Variants in PCCA observed in about 807,000 individuals in gnomAD.
PCCA encodes propionyl-CoA carboxylase subunit alpha.
A neutral mutation model predicts 101.3 loss-of-function variants in PCCA; 74 were observed. The observed-to-expected ratio is 0.73, with a 90% confidence interval of 0.61 to 0.89. PCCA has a LOEUF of 0.89. Ranked by LOEUF, PCCA falls within the 40% of genes least tolerant of loss-of-function variation. The probability of loss-of-function intolerance (pLI) is 0.00; values close to 1 mark genes in which losing one functional copy is unlikely to be tolerated. For missense variants in PCCA, 891 were observed against 907.0 expected, an observed-to-expected ratio of 0.98 and a Z score of 0.23; for synonymous variants, 294 against 313.6, an observed-to-expected ratio of 0.94 and a Z score of 0.66.
intron 9 of PCCA, among the ~76,000 whole-genome samples, chr13:100,262,334 C>T (rs2062575758): frequency 6.6e-6 from 1 of 151,618 alleles, no homozygotes; most frequent in African/African-American, 2.4e-5. Flanking sequence ...GCAGAGGTTG[C>T]AGTGAGCTGA....
Position 100,109,122 on chromosome 13 carries a change from A to C in PCCA, c.184-2719A>C, listed in dbSNP as rs545948934. ...TGGCATGTAGCCCAAAGGGGTGAAG[A>C]ACAGTAGCCATAGCTAATGCTGAAT... On this transcript the variant is annotated intron_variant, in intron 2 of 23. Coordinates refer to ENST00000376285, the MANE Select transcript of PCCA (RefSeq NM_000282.4). Among the ~76,000 whole-genome samples, 42 of 152,380 alleles carry C rather than the reference A, an allele frequency of 2.8e-4. 1 individual carries two copies. Among genetic ancestry groups the C allele is most frequent in the Admixed American group, 2.4e-3 (37 of 15,306 alleles).
At chr13:100,526,667 G>T (rs1265323143) in intron 22 of PCCA, among the ~76,000 whole-genome samples, 3 of 152,252 alleles carry the variant, frequency 2.0e-5, no homozygotes, top group African/African-American at 7.2e-5. Context: ...ATTGCCCTAG[G>T]AACCTGGACT....
chr13:100,217,443 C>CAAA (rs61099971), intron 7 of PCCA, among the ~76,000 whole-genome samples: 16 of 135,088 alleles, frequency 1.2e-4, no homozygotes, highest in Admixed American at 1.1e-3. Context: ...GACTCCATCT[C>CAAA]AAAAAAAAAA....
intron 19 of PCCA, among the ~76,000 whole-genome samples, chr13:100,418,977 A>G (rs1451788825): frequency 1.3e-5 from 2 of 151,688 alleles, no homozygotes; most frequent in Non-Finnish European, 2.9e-5. Context: ...ATGGGTTTCA[A>G]AGAAGCTTAG....
intron 7 of PCCA, among the ~76,000 whole-genome samples, chr13:100,235,278 G>GA (rs554536034): frequency 0.22 from 25,339 of 116,410 alleles, 2,482 homozygotes; most frequent in African/African-American, 0.28. Flanking sequence ...ATATGTACCT[G>GA]AAAAAAAAAA....
chr13:100,201,853 G>C (rs558847195), intron 6 of PCCA, among the ~76,000 whole-genome samples: 1 of 56,708 alleles, frequency 1.8e-5, no homozygotes. Flanking sequence ...CTGAAACTGC[G>C]TCTCAAAAAA....
At chr13:100,243,538 T>A (rs2061272421) in intron 8 of PCCA, among the ~76,000 whole-genome samples, 1 of 152,200 alleles carries the variant, frequency 6.6e-6, no homozygotes, top group Non-Finnish European at 1.5e-5. Flanking sequence ...TTCAAATAAA[T>A]TCAGTATATA....
intron 10 of PCCA, among the ~76,000 whole-genome samples, chr13:100,263,815 T>C (rs2062694139): frequency 8.5e-6 from 1 of 117,090 alleles, no homozygotes; most frequent in South Asian, 2.4e-4. Flanking sequence ...ACAGTATCTG[T>C]ATATCATATA....
intron 21 of PCCA, among the ~76,000 whole-genome samples, chr13:100,488,051 T>C (rs1488808660): frequency 1.3e-5 from 2 of 152,090 alleles, no homozygotes; most frequent in Non-Finnish European, 2.9e-5. Context: ...ATATATATTT[T>C]TTAATGAAGC....
At chr13:100,348,783 T>C (rs61970476) in intron 18 of PCCA, among the ~76,000 whole-genome samples, 5,085 of 52,814 alleles carry the variant, frequency 0.096, 112 homozygotes, top group Non-Finnish European at 0.11. Flanking sequence ...TTTCTTTCTT[T>C]CTTTCTTCCT....
chr13:100,151,364 G>T (rs1416935311), intron 4 of PCCA, among the ~76,000 whole-genome samples: 1 of 152,156 alleles, frequency 6.6e-6, no homozygotes, highest in African/African-American at 2.4e-5. Context: ...GGCTGAGGTA[G>T]GCGGATCACC....
At position 100,452,839 on chromosome 13, in the gene PCCA, G is replaced by C. The variant is rs543292213; in HGVS notation, c.1899+3534G>C. On this transcript the variant is annotated intron_variant, in intron 21 of 23. Coordinates refer to ENST00000376285, the MANE Select transcript of PCCA (RefSeq NM_000282.4). ...TGGCTTGGAGGAGGTATTCAGTCAGGGTTGGGCAAATGAATGACTGAAATT... is the reference window on the plus strand; with the variant it reads ...TGGCTTGGAGGAGGTATTCAGTCAGCGTTGGGCAAATGAATGACTGAAATT... 4.7e-4 allele frequency among the ~76,000 whole-genome samples: 72 copies of C among 152,208 alleles called. 1 individual carries two copies. In the South Asian group the frequency reaches 0.015, roughly 32 times the overall value.
intron 8 of PCCA, among the ~76,000 whole-genome samples, chr13:100,241,276 C>T (rs2061117443): frequency 6.7e-6 from 1 of 148,158 alleles, no homozygotes; most frequent in Non-Finnish European, 1.5e-5. Flanking sequence ...CCCTGACAAC[C>T]ATTAATTTAC....
chr13:100,188,350 A>G (rs546924727), intron 6 of PCCA, among the ~76,000 whole-genome samples: 4 of 134,440 alleles, frequency 3.0e-5, no homozygotes, highest in African/African-American at 1.0e-4. Flanking sequence ...GAAAGAAAGA[A>G]TAATGAATTC....
chr13:100,225,221 G>GA (rs1222704901), intron 7 of PCCA, among the ~76,000 whole-genome samples: 1 of 152,188 alleles, frequency 6.6e-6, no homozygotes. Context: ...AGTGGAAGTG[G>GA]AATCCATGGG....
intron 18 of PCCA, among the ~76,000 whole-genome samples, chr13:100,361,298 C>CAT (rs1567001612): frequency 2.6e-5 from 4 of 151,784 alleles, no homozygotes; most frequent in African/African-American, 9.7e-5. Flanking sequence ...TTAACAGTAA[C>CAT]ATTGATATTG....
chr13:100,517,148 A>G (rs1309427942), intron 22 of PCCA, among the ~76,000 whole-genome samples: 1 of 139,322 alleles, frequency 7.2e-6, no homozygotes, highest in Non-Finnish European at 1.6e-5. Context: ...ACCGGAGTGG[A>G]GGGAGGGCGG....
At chr13:100,285,207 C>T (rs538974851) in intron 12 of PCCA, among the ~76,000 whole-genome samples, 10 of 152,270 alleles carry the variant, frequency 6.6e-5, no homozygotes, top group African/African-American at 2.2e-4. Flanking sequence ...CCGGATACAG[C>T]GAGATAGCCA....
intron 1 of PCCA, among the ~76,000 whole-genome samples, chr13:100,098,927 G>T (rs1333411793): frequency 6.6e-6 from 1 of 152,182 alleles, no homozygotes; most frequent in African/African-American, 2.4e-5. Context: ...TGTCTTCAGA[G>T]AAGGGCATGG....
Sources: allele counts gnomAD v4.1 joint callset (sites outside exome capture counted in the v4.1 genomes callset), GRCh38; gene constraint gnomAD v4.1.1; transcripts MANE v1.5; gene names NCBI Gene and HGNC (gene_info 2026-07-23, HGNC 2026-07-21).